MGMT: variants seen among roughly 807,000 people sequenced by gnomAD.
MGMT encodes methylated-DNA--protein-cysteine methyltransferase.
A neutral mutation model predicts 15.9 loss-of-function variants in MGMT; 14 were observed. The ratio of observed to expected loss-of-function variants is 0.88; its 90% confidence interval spans 0.58 to 1.37. The LOEUF (loss-of-function observed/expected upper bound fraction) is 1.37, where lower values mean the gene tolerates loss of function less well. Ranked by LOEUF, MGMT falls within the 40% of genes most tolerant of loss-of-function variation. The probability of loss-of-function intolerance (pLI) is 0.00; values close to 1 mark genes in which losing one functional copy is unlikely to be tolerated. For missense variants in MGMT, 282 were observed against 268.1 expected, an observed-to-expected ratio of 1.05 and a Z score of -0.36; for synonymous variants, 130 against 118.2, an observed-to-expected ratio of 1.10 and a Z score of -0.65.
intron 2 of MGMT, among the ~76,000 whole-genome samples, chr10:129,560,806 T>C (rs1415032985): frequency 6.6e-6 from 1 of 152,010 alleles, no homozygotes; most frequent in Non-Finnish European, 1.5e-5. Flanking sequence ...CGGGTGAAAT[T>C]CTGTTTCTGG....
chr10:129,588,831 C>T (rs751036521), intron 2 of MGMT, among the ~76,000 whole-genome samples: 20 of 152,392 alleles, frequency 1.3e-4, no homozygotes, highest in South Asian at 6.2e-4. Flanking sequence ...TATCTTTACA[C>T]TTACCACGTT....
At chr10:129,707,516 G>A (rs1848178225) in intron 2 of MGMT, among the ~76,000 whole-genome samples, 1 of 152,178 alleles carries the variant, frequency 6.6e-6, no homozygotes, top group African/African-American at 2.4e-5. Context: ...GACTCGGGGT[G>A]GGGTGGGCCG....
In MGMT at chr10:129,511,985, G is replaced by A. The variant is rs904247368; in HGVS notation, c.-12-24256G>A. 3.3e-5 allele frequency among the ~76,000 whole-genome samples: 5 copies of A among 152,214 alleles called. No individual in the cohort carries two copies. In the South Asian group the frequency reaches 8.3e-4, roughly 25 times the overall value. ...AGTCTGGCTGTCCTCTTTCCAGGTC[G>A]AGGATTTAAAGCCGCCTAGCTCAGG... is the stretch of plus-strand genomic sequence containing the variant. On this transcript the variant is annotated intron_variant, in intron 1 of 4. Transcript: ENST00000651593.
At chr10:129,581,741 G>A (rs1846557798) in intron 2 of MGMT, among the ~76,000 whole-genome samples, 1 of 152,204 alleles carries the variant, frequency 6.6e-6, no homozygotes, top group African/African-American at 2.4e-5. Flanking sequence ...GATAAGAAAG[G>A]TTTTGGTGGT....
chr10:129,511,209 T>C (rs1845679763), intron 1 of MGMT, among the ~76,000 whole-genome samples: 3 of 131,636 alleles, frequency 2.3e-5, no homozygotes, highest in Non-Finnish European at 4.8e-5. Context: ...ACCCTGTATA[T>C]CAGATGCAGC....
intron 2 of MGMT, among the ~76,000 whole-genome samples, chr10:129,640,333 T>C (rs183396044): frequency 4.5e-4 from 69 of 152,242 alleles, no homozygotes; most frequent in African/African-American, 1.7e-3. Flanking sequence ...CCTGGCCTCA[T>C]CATCCACCCA....
At chr10:129,496,822 G>A (rs1036153049) in intron 1 of MGMT, among the ~76,000 whole-genome samples, 2 of 151,904 alleles carry the variant, frequency 1.3e-5, no homozygotes, top group African/African-American at 2.4e-5. Context: ...AGGGATCTTG[G>A]TATATATTTA....
intron 2 of MGMT, among the ~76,000 whole-genome samples, chr10:129,658,682 G>T (rs551529145): frequency 3.9e-5 from 6 of 152,306 alleles, no homozygotes; most frequent in South Asian, 2.1e-4. Context: ...AATTATCTTC[G>T]CAAGAAAGTA....
intron 3 of MGMT, among the ~76,000 whole-genome samples, chr10:129,745,224 C>T (rs559892797): frequency 5.3e-5 from 8 of 152,176 alleles, no homozygotes; most frequent in Non-Finnish European, 7.3e-5. Context: ...TGTTTTCCCT[C>T]ATCTTTTTGT....
intron 3 of MGMT, among the ~76,000 whole-genome samples, chr10:129,750,710 G>A (rs1848742607): frequency 6.6e-6 from 1 of 152,026 alleles, no homozygotes; most frequent in South Asian, 2.1e-4. Context: ...AAGCATCCAT[G>A]GATTTTGGTA....
intron 2 of MGMT, among the ~76,000 whole-genome samples, chr10:129,571,632 C>G (rs974334155): frequency 1.3e-5 from 2 of 152,224 alleles, no homozygotes; most frequent in South Asian, 4.2e-4. Context: ...TCCAATGTTT[C>G]GATCAATTTG....
intron 1 of MGMT, among the ~76,000 whole-genome samples, chr10:129,527,451 C>T (rs991595319): frequency 6.6e-6 from 1 of 152,216 alleles, no homozygotes; most frequent in Non-Finnish European, 1.5e-5. Context: ...CCGAGGGCCT[C>T]TCTGCCCCGT....
chr10:129,645,940 A>G (rs987172925), intron 2 of MGMT, among the ~76,000 whole-genome samples: 1 of 152,202 alleles, frequency 6.6e-6, no homozygotes, highest in African/African-American at 2.4e-5. Context: ...AGACCACTGC[A>G]GAAGGCAACG....
rs999656891 is a variant in MGMT, at chr10:129,648,135, A to G, written c.126-59760A>G. Among the ~76,000 whole-genome samples the G allele has an allele frequency of 2.0e-5, 3 of 152,204 alleles. No homozygotes were observed. The East Asian group carries it at 5.8e-4, about 29-fold the overall frequency. On this transcript the variant is annotated intron_variant, in intron 2 of 4. Transcript: ENST00000651593. The stretch of plus-strand genomic sequence containing the variant: ...ATGGGAAATTGATTGTGACAATACA[A>G]TATTAGAAACACATCTCCATAATAT...
At chr10:129,499,840 C>G (rs1338852852) in intron 1 of MGMT, among the ~76,000 whole-genome samples, 1 of 152,164 alleles carries the variant, frequency 6.6e-6, no homozygotes, top group East Asian at 1.9e-4. Context: ...ATTGGGTTTC[C>G]TGGTGACAAA....
intron 2 of MGMT, among the ~76,000 whole-genome samples, chr10:129,654,788 C>G (rs1847504989): frequency 6.6e-6 from 1 of 152,018 alleles, no homozygotes; most frequent in South Asian, 2.1e-4. Context: ...TACCTTAGGC[C>G]CCTTGTCATG....
chr10:129,515,331 G>A (rs780429672), intron 1 of MGMT, among the ~76,000 whole-genome samples: 2 of 152,192 alleles, frequency 1.3e-5, no homozygotes, highest in African/African-American at 2.4e-5. Flanking sequence ...AGCACAGGGC[G>A]GAGTGTGGGG....
At chr10:129,694,913 C>T (rs1260141165) in intron 2 of MGMT, among the ~76,000 whole-genome samples, 1 of 152,172 alleles carries the variant, frequency 6.6e-6, no homozygotes, top group African/African-American at 2.4e-5. Flanking sequence ...ATGTTTTCTG[C>T]TTCTTGTAAT....
At chr10:129,590,828 C>T (rs767467640) in intron 2 of MGMT, among the ~76,000 whole-genome samples, 1 of 152,206 alleles carries the variant, frequency 6.6e-6, no homozygotes, top group African/African-American at 2.4e-5. Context: ...GGGGACCCCT[C>T]GTGAGGAATA....
Sources: gnomAD v4.1 joint callset for allele counts (sites outside exome capture counted in the v4.1 genomes callset) on GRCh38, gnomAD v4.1.1 for gene constraint, MANE v1.5 for transcripts, NCBI Gene and HGNC (gene_info 2026-07-23, HGNC 2026-07-21) for gene names.